The following PUM1 variants were observed in gnomAD, a reference collection of about 807,000 sequenced individuals.
The protein encoded by PUM1 is pumilio RNA binding family member 1, also known as pumilio homolog 1.
A neutral mutation model predicts 131.8 loss-of-function variants in PUM1; 13 were observed. The ratio of observed to expected loss-of-function variants is 0.10; its 90% CI spans 0.06 to 0.16. The LOEUF is 0.16. Among genes scored for constraint, PUM1 ranks in the 10% least tolerant of loss-of-function variants. The pLI, the probability that PUM1 is intolerant of heterozygous loss-of-function variation, is 1.00. For synonymous variants in PUM1, 509 were observed against 556.5 expected, an observed-to-expected ratio of 0.91 and a Z score of 1.20; for missense variants, 961 against 1,512.4, an observed-to-expected ratio of 0.64 and a Z score of 6.05.
chr1:31,019,128 G>T (rs1349469515), intron 3 of PUM1, among the ~76,000 whole-genome samples: 3 of 152,176 alleles, frequency 2.0e-5, no homozygotes, highest in Non-Finnish European at 4.4e-5. Flanking sequence ...TGAGGCGAGC[G>T]AATCGCTTGA....
At chr1:30,986,537 A>G (rs940778187) in intron 7 of PUM1, among the ~76,000 whole-genome samples, 7 of 151,940 alleles carry the variant, frequency 4.6e-5, no homozygotes, top group African/African-American at 1.7e-4. Context: ...TACAAATTAA[A>G]CCATGCTGCT....
chr1:30,935,961 G>A lies in PUM1; in HGVS notation c.3435+682C>T, dbSNP rs1037535307. Among the ~76,000 whole-genome samples the A allele has an allele frequency of 7.2e-5, 9 of 124,480 alleles. No individual in the cohort carries two copies. The South Asian group carries it at 2.4e-3, about 33-fold the overall frequency. 81.7% of individuals were successfully genotyped at this position (124,480 alleles called of 152,430 possible). A position where few individuals can be genotyped will look rare whatever the true frequency, so the allele number is the denominator to read the frequency against. ...TGTCTGCAGTGCTCACTGGACCCAC[G>A]CCGTGACTTGTCAAGAAGCTGTGGG... On this transcript the variant is annotated intron_variant, in intron 21 of 21. Transcript: ENST00000426105.
chr1:31,038,085 A>C (rs935653451), intron 2 of PUM1, among the ~76,000 whole-genome samples: 1 of 152,076 alleles, frequency 6.6e-6, no homozygotes, highest in Admixed American at 6.6e-5. Flanking sequence ...TCTCAAAAAA[A>C]AAAAAAAACC....
chr1:31,060,449 A>C (rs564486384), intron 1 of PUM1, among the ~76,000 whole-genome samples: 2 of 152,100 alleles, frequency 1.3e-5, no homozygotes, highest in African/African-American at 4.8e-5. Context: ...TGACAGAGCG[A>C]GACTCTCTCT....
chr1:31,040,574 G>A (rs542319531), intron 2 of PUM1, among the ~76,000 whole-genome samples: 3 of 152,170 alleles, frequency 2.0e-5, no homozygotes, highest in South Asian at 2.1e-4. Context: ...TAGTATAGCC[G>A]AAATGGAGCG....
At chr1:30,979,339 T>C (rs769573331) in intron 9 of PUM1, among the ~76,000 whole-genome samples, 1 of 152,100 alleles carries the variant, frequency 6.6e-6, no homozygotes, top group Non-Finnish European at 1.5e-5. Flanking sequence ...TGCTACAATG[T>C]ATGGTGTTAG....
chr1:31,052,367 G>C (rs1466518903), intron 2 of PUM1, among the ~76,000 whole-genome samples: 1 of 151,740 alleles, frequency 6.6e-6, no homozygotes, highest in Non-Finnish European at 1.5e-5. Flanking sequence ...GATGTGTCTA[G>C]TGTTTCCTAG....
intron 2 of PUM1, among the ~76,000 whole-genome samples, chr1:31,043,524 A>G (rs1461213283): frequency 6.6e-6 from 1 of 152,120 alleles, no homozygotes; most frequent in Non-Finnish European, 1.5e-5. Context: ...ATTAACACCC[A>G]ATTTGGTGAT....
At chr1:30,996,274 CA>C (rs1261880814) in intron 5 of PUM1, among the ~76,000 whole-genome samples, 1 of 152,198 alleles carries the variant, frequency 6.6e-6, no homozygotes, top group Non-Finnish European at 1.5e-5. Flanking sequence ...GTTCCTGGTA[CA>C]AGGCAAGATC....
chr1:30,981,680 T>TCA (rs5773330), intron 7 of PUM1, among the ~76,000 whole-genome samples: 12 of 150,860 alleles, frequency 8.0e-5, no homozygotes, highest in South Asian at 2.1e-4. Flanking sequence ...ACACACTCTC[T>TCA]CACACACACA....
chr1:31,031,646 A>G (rs922204465), intron 2 of PUM1, among the ~76,000 whole-genome samples: 14 of 152,122 alleles, frequency 9.2e-5, no homozygotes, highest in Non-Finnish European at 1.5e-4. Flanking sequence ...TCCACCTCCA[A>G]TATTCTATTA....
intron 14 of PUM1, among the ~76,000 whole-genome samples, chr1:30,964,363 T>C (rs974378854): frequency 6.6e-6 from 1 of 152,222 alleles, no homozygotes; most frequent in Non-Finnish European, 1.5e-5. Context: ...CTGTGTTTCC[T>C]AGCTTCACTG....
Position 31,038,984 on chromosome 1 carries a change from A to ATATT in PUM1, c.364-10121_364-10120insAATA. ...TATATATATATATATATATATATAT[A>ATATT]TTTTTTTTTTTTTTTTCCTTTTCTC... On this transcript the variant is annotated intron_variant, in intron 2 of 21. Transcript: ENST00000426105. Among the ~76,000 whole-genome samples, 257 of 49,384 alleles carry ATATT rather than the reference A, an allele frequency of 5.2e-3. 5 individuals are homozygous for ATATT. The highest frequency in any genetic ancestry group is 0.01 in the African/African-American group (50 of 4,832). The allele number at this position is 49,384 out of a possible 152,430, so 32.4% of individuals were successfully genotyped here.
intron 3 of PUM1, among the ~76,000 whole-genome samples, chr1:31,014,186 A>G (rs2124522078): frequency 6.6e-6 from 1 of 151,696 alleles, no homozygotes; most frequent in East Asian, 2.0e-4. Context: ...GGTCCTAGCT[A>G]TTCAGGAGGC....
chr1:31,060,684 G>A (rs749100963), intron 1 of PUM1, among the ~76,000 whole-genome samples: 32 of 150,226 alleles, frequency 2.1e-4, no homozygotes, highest in Non-Finnish European at 2.8e-4. Context: ...TCAGGAGTTC[G>A]AGACCAGCCT....
At chr1:31,047,295 TCAAAGAAA>T (rs1171398638) in intron 2 of PUM1, among the ~76,000 whole-genome samples, 2 of 151,372 alleles carry the variant, frequency 1.3e-5, no homozygotes, top group African/African-American at 4.9e-5. Flanking sequence ...TATCCAGAAG[TCAAAGAAA>T]CTGAATGTAA....
At chr1:30,982,820 G>T (rs1384529435) in intron 7 of PUM1, among the ~76,000 whole-genome samples, 1 of 152,164 alleles carries the variant, frequency 6.6e-6, no homozygotes, top group African/African-American at 2.4e-5. Context: ...TGAATACTTT[G>T]AAGATATTGG....
chr1:31,023,604 G>C (rs557665113), intron 3 of PUM1, among the ~76,000 whole-genome samples: 2 of 152,164 alleles, frequency 1.3e-5, no homozygotes, highest in African/African-American at 4.8e-5. Flanking sequence ...TCAGTGTCTT[G>C]GGCAGCTGCA....
chr1:30,946,837 A>G (rs773857269), intron 17 of PUM1, among the ~76,000 whole-genome samples: 15 of 152,004 alleles, frequency 9.9e-5, no homozygotes, highest in Non-Finnish European at 1.6e-4. Context: ...TGAGCCCAGG[A>G]GTTTGAGGCT....
Sources: gnomAD v4.1 joint callset for allele counts (sites outside exome capture counted in the v4.1 genomes callset) on GRCh38, gnomAD v4.1.1 for gene constraint, MANE v1.5 for transcripts, NCBI Gene and HGNC (gene_info 2026-07-23, HGNC 2026-07-21) for gene names.